The following SLC4A4 variants were observed in gnomAD, a reference collection of about 807,000 sequenced individuals.
SLC4A4 encodes the protein electrogenic sodium bicarbonate cotransporter 1.
Under a neutral mutation model 111.5 loss-of-function variants are expected in SLC4A4, and 27 were observed. The ratio of observed to expected loss-of-function variants is 0.24; its 90% confidence interval spans 0.18 to 0.33. SLC4A4 has a LOEUF of 0.33. SLC4A4 is among the 10% of genes least tolerant of loss of function. The probability of loss-of-function intolerance (pLI) is 1.00; values close to 1 mark genes in which losing one functional copy is unlikely to be tolerated. For synonymous variants in SLC4A4, 443 were observed against 463.4 expected (o/e 0.96, Z 0.57); for missense variants, 909 against 1,315.5 (o/e 0.69, Z 4.78).
intron 3 of SLC4A4, among the ~76,000 whole-genome samples, chr4:71,328,534 C>A (rs927468072): frequency 1.3e-5 from 2 of 152,024 alleles, no homozygotes; most frequent in African/African-American, 2.4e-5. Flanking sequence ...GTGATATGAT[C>A]TCATTGTAGT....
At chr4:71,105,227 C>T (rs1742873862) in intron 2 of SLC4A4, among the ~76,000 whole-genome samples, 1 of 149,640 alleles carries the variant, frequency 6.7e-6, no homozygotes, top group South Asian at 2.1e-4. Context: ...ATGTGAAGGA[C>T]CTCTTCAAGG....
At chr4:71,141,498 C>A (rs1029906447) in intron 2 of SLC4A4, among the ~76,000 whole-genome samples, 3 of 152,150 alleles carry the variant, frequency 2.0e-5, no homozygotes, top group African/African-American at 7.2e-5. Context: ...ATGTTCTTCT[C>A]TTGGGCATGC....
chr4:71,554,116 CA>C (rs529468094), intron 20 of SLC4A4, among the ~76,000 whole-genome samples: 146 of 151,960 alleles, frequency 9.6e-4, no homozygotes, highest in African/African-American at 3.1e-3. Flanking sequence ...TTTAGGCAAT[CA>C]CAAGGAGAGG....
intron 3 of SLC4A4, among the ~76,000 whole-genome samples, chr4:71,268,075 G>GTTTT (rs10657146): frequency 0.083 from 7,218 of 87,130 alleles, 947 homozygotes; most frequent in East Asian, 0.22. Flanking sequence ...ATAAAGTAGT[G>GTTTT]TTTTTTTTTT....
chr4:71,191,820 A>G (rs1486650950), intron 1 of SLC4A4, among the ~76,000 whole-genome samples: 1 of 152,224 alleles, frequency 6.6e-6, no homozygotes, highest in Admixed American at 6.5e-5. Context: ...ATAACCACCA[A>G]CTGATATTTT....
intron 1 of SLC4A4, among the ~76,000 whole-genome samples, chr4:71,066,874 A>G (rs1283867348): frequency 6.6e-6 from 1 of 152,122 alleles, no homozygotes; most frequent in Non-Finnish European, 1.5e-5. Context: ...TATACCCCTC[A>G]AATTTTGGCT....
intron 1 of SLC4A4, among the ~76,000 whole-genome samples, chr4:71,091,894 G>A (rs1046851176): frequency 3.3e-5 from 5 of 152,098 alleles, no homozygotes; most frequent in Non-Finnish European, 7.4e-5. Flanking sequence ...CTTTTTTACT[G>A]CATTTTTTCC....
At chr4:71,351,107 A>G (rs546042795) in intron 5 of SLC4A4, among the ~76,000 whole-genome samples, 2 of 152,352 alleles carry the variant, frequency 1.3e-5, no homozygotes, top group African/African-American at 2.4e-5. Flanking sequence ...TTAGCATTCA[A>G]CGCACAAAGT....
At chr4:71,239,247 C>A (rs1308681923) in intron 2 of SLC4A4, among the ~76,000 whole-genome samples, 1 of 152,132 alleles carries the variant, frequency 6.6e-6, no homozygotes, top group African/African-American at 2.4e-5. Flanking sequence ...TGTAAACATT[C>A]TTGGCAAAGT....
At chr4:71,419,795 G>A (rs939251151) in intron 7 of SLC4A4, among the ~76,000 whole-genome samples, 1 of 152,198 alleles carries the variant, frequency 6.6e-6, no homozygotes, top group African/African-American at 2.4e-5. Context: ...CGTCACTCAT[G>A]CTGGGAGCTG....
intron 3 of SLC4A4, among the ~76,000 whole-genome samples, chr4:71,327,954 TA>T (rs1340250957): frequency 2.0e-5 from 3 of 152,024 alleles, no homozygotes; most frequent in Non-Finnish European, 4.4e-5. Flanking sequence ...TTGTACCCAT[TA>T]ACCATCCCCC....
intron 6 of SLC4A4, among the ~76,000 whole-genome samples, chr4:71,363,323 A>G (rs1730967852): frequency 6.6e-6 from 1 of 152,118 alleles, no homozygotes; most frequent in Admixed American, 6.6e-5. Flanking sequence ...CATTCAGACT[A>G]TTTGGTTTGA....
intron 2 of SLC4A4, among the ~76,000 whole-genome samples, chr4:71,179,107 A>G (rs576575464): frequency 6.7e-4 from 102 of 152,344 alleles, no homozygotes; most frequent in African/African-American, 2.4e-3. Context: ...CAAAAACCAT[A>G]TGATTATCTC....
chr4:71,560,728 T>C (rs900474074), intron 23 of SLC4A4, among the ~76,000 whole-genome samples: 1 of 151,848 alleles, frequency 6.6e-6, no homozygotes, highest in Non-Finnish European at 1.5e-5. Flanking sequence ...TTCTATGCTG[T>C]TATATTAATA....
rs113332145 is a variant in SLC4A4 at position 71,165,211 on chromosome 4, C to T, written c.-1-71365C>T. On this transcript the variant is annotated intron_variant, in intron 2 of 26. Coordinates refer to the SLC4A4 transcript ENST00000649996. Reference sequence around the variant, plus strand: ...AGCAATCCCATTACTGGGTATATACCCAAAGGATTATAAATCATTCTGCTA... The same window carrying T: ...AGCAATCCCATTACTGGGTATATACTCAAAGGATTATAAATCATTCTGCTA... 5.3e-3 allele frequency among the ~76,000 whole-genome samples: 809 copies of T among 152,170 alleles called. 9 individuals carry two copies. Among genetic ancestry groups the T allele is most frequent in the African/African-American group, 0.019 (774 of 41,494 alleles).
intron 3 of SLC4A4, among the ~76,000 whole-genome samples, chr4:71,290,222 A>C (rs79027362): frequency 0.042 from 6,405 of 152,286 alleles, 238 homozygotes; most frequent in East Asian, 0.11. Flanking sequence ...CATTTGTGCA[A>C]GGTGATAGTT....
At chr4:71,262,288 G>A (rs896300708) in intron 3 of SLC4A4, among the ~76,000 whole-genome samples, 13 of 152,234 alleles carry the variant, frequency 8.5e-5, no homozygotes, top group African/African-American at 2.9e-4. Flanking sequence ...TTATGAGTGT[G>A]AACTCATAAA....
chr4:71,110,827 T>C (rs1743065402), intron 2 of SLC4A4, among the ~76,000 whole-genome samples: 1 of 152,202 alleles, frequency 6.6e-6, no homozygotes, highest in Non-Finnish European at 1.5e-5. Context: ...CTGTGTATAA[T>C]TTAGTTCTGT....
At chr4:71,523,483 C>T (rs1733141048) in intron 16 of SLC4A4, among the ~76,000 whole-genome samples, 1 of 152,002 alleles carries the variant, frequency 6.6e-6, no homozygotes, top group Non-Finnish European at 1.5e-5. Flanking sequence ...CACAGTCGAC[C>T]TGAATTGAGC....
Sources: allele counts gnomAD v4.1 joint callset (sites outside exome capture counted in the v4.1 genomes callset), GRCh38; gene constraint gnomAD v4.1.1; transcripts MANE v1.5; gene names NCBI Gene and HGNC (gene_info 2026-07-23, HGNC 2026-07-21).